TMEM271: variants seen among roughly 807,000 people sequenced by gnomAD.
TMEM271 encodes transmembrane protein 271.
In TMEM271 at chr4:575,141, G is replaced by A. The variant is rs1179421501; in HGVS notation, c.922C>T (p.Leu308=). 5.1e-6 allele frequency: 2 copies of A among 393,878 alleles called. No homozygotes were observed. The highest frequency in any genetic ancestry group is 4.1e-5 in the African/African-American group (2 of 48,216). 24.4% of individuals were successfully genotyped at this position (393,878 alleles called of 1,614,324 possible). The stretch of plus-strand genomic sequence containing the variant: ...CCCGCGCAGTCCCCGGGGGCGGCCA[G>A]GTCCGACTCCTCCGGGGACAGGATG... ...ASILSPEESD[L]AAPGDCAGFA... The change falls in exon 1 of 1, where the codon CTG becomes TTG. Residue 308 remains leucine, a synonymous_variant. Transcript: ENST00000610212.
In TMEM271 at chr4:574,386, T is replaced by C. The variant is rs550482846; in HGVS notation, c.*519A>G. ...TCACTATTTATGGAGAGCTTTACAG[T>C]AAGAAAGTATCAACAAAAGCAGGCA... On this transcript the variant is annotated 3_prime_UTR_variant, in exon 1 of 1. Transcript: ENST00000610212. 1 of 152,666 alleles carries C rather than the reference T, an allele frequency of 6.6e-6. No homozygotes were observed. Among genetic ancestry groups the C allele is most frequent in the South Asian group, 2.1e-4 (1 of 4,838 alleles). 9.5% of individuals were successfully genotyped at this position (152,666 alleles called of 1,614,324 possible).
Position 575,291 on chromosome 4 carries a change from C to A in TMEM271, c.772G>T (p.Gly258Cys). ...RRGRRGRRRG[G>C]RALARPRGGS... ...CCGCGGGGCCGCGCCAGGGCCCGGC[C>A]TCCCCTCCGCCTGCCGCGCCGACCG... The change falls in exon 1 of 1, where the codon GGC (glycine) becomes TGC (cysteine). Residue 258 changes from glycine (G) to cysteine (C), a missense_variant. By Grantham distance (159) the Gly-to-Cys change is radical. Transcript: ENST00000610212. The A allele has an allele frequency of 5.1e-6, 1 of 196,260 alleles. No individual in the cohort carries two copies. The highest frequency in any genetic ancestry group is 1.0e-5 in the Non-Finnish European group (1 of 97,748). 12.2% of individuals were successfully genotyped at this position (196,260 alleles called of 1,614,324 possible).
At position 574,590 on chromosome 4, in the gene TMEM271, A is replaced by T. The variant is rs1732396571; in HGVS notation, c.*315T>A. On this transcript the variant is annotated 3_prime_UTR_variant, in exon 1 of 1. Transcript: ENST00000610212. Reference sequence around the variant, plus strand: ...CCCCAGGGTTTGGACTTGCCAAGAAAAGTGCAGTCGGGCTAGCCAAGCCCA... The same window carrying T: ...CCCCAGGGTTTGGACTTGCCAAGAATAGTGCAGTCGGGCTAGCCAAGCCCA... 1 of 244,230 alleles carries T rather than the reference A, an allele frequency of 4.1e-6. No individual in the cohort carries two copies. The highest frequency in any genetic ancestry group is 2.2e-5 in the African/African-American group (1 of 44,772). 15.1% of individuals were successfully genotyped at this position (244,230 alleles called of 1,614,324 possible). A position where few individuals can be genotyped will look rare whatever the true frequency, so the allele number is the denominator to read the frequency against.
In TMEM271 at chr4:574,959, G is replaced by A. The variant is rs564504819; in HGVS notation, c.1104C>T (p.Cys368=). 1.6e-4 allele frequency: 64 copies of A among 397,082 alleles called. No individual in the cohort carries two copies. Among genetic ancestry groups the A allele is most frequent in the African/African-American group, 1.3e-3 (61 of 48,664 alleles). 24.6% of individuals were successfully genotyped at this position (397,082 alleles called of 1,614,324 possible). The change falls in exon 1 of 1, where the codon TGC becomes TGT. Residue 368 remains cysteine (C), a synonymous_variant. Coordinates refer to ENST00000610212, the MANE Select transcript of TMEM271 (RefSeq NM_001362796.2). ...DPDLNASYPY[C]CRPPCETPRP... is the part of the protein sequence containing the mutation. ...GCGGCGTCTCGCAGGGCGGCCGGCA[G>A]CAGTAGGGGTAGGAGGCGTTGAGGT... is the stretch of plus-strand genomic sequence containing the variant.
chr4:575,875 G>A lies in TMEM271; in HGVS notation c.188C>T (p.Ser63Leu). ...GCAGAGCAGGGCGGCGCCGAGCAGT[G>A]AGAGGCCGGCGGCCAGCAGCAGCCC... ...YSGLLLAAGL[S>L]LLGAALLCCG... Residue 63 changes from serine (S) to leucine (L), a missense_variant, in exon 1 of 1, where the codon TCA becomes TTA. Physicochemically the swap from Ser to Leu is moderately radical, Grantham distance 145 (BLOSUM62 -2). Transcript: ENST00000610212. The A allele has an allele frequency of 5.4e-6, 2 of 371,234 alleles. No homozygotes were observed. Among genetic ancestry groups the A allele is most frequent in the Non-Finnish European group, 9.6e-6 (2 of 208,540 alleles). The allele number at this position is 371,234 out of a possible 1,614,324, so 23.0% of individuals were successfully genotyped here.
chr4:575,136 G>T lies in TMEM271; in HGVS notation c.927C>A (p.Ala309=). 1 of 394,212 alleles carries T rather than the reference G, an allele frequency of 2.5e-6. No individual in the cohort carries two copies. 24.4% of individuals were successfully genotyped at this position (394,212 alleles called of 1,614,324 possible). Residue 309 remains alanine (A), a synonymous_variant, in exon 1 of 1, where the codon GCC becomes GCA. Transcript: ENST00000610212. The stretch of plus-strand genomic sequence containing the variant: ...CGAAGCCCGCGCAGTCCCCGGGGGC[G>T]GCCAGGTCCGACTCCTCCGGGGACA... The part of the protein sequence containing the change: ...SILSPEESDL[A]APGDCAGFAA...
Position 574,751 on chromosome 4 carries a change from G to A in TMEM271, c.*154C>T, listed in dbSNP as rs1188767825. The A allele has an allele frequency of 2.6e-6, 1 of 391,978 alleles. No individual in the cohort carries two copies. Among genetic ancestry groups the A allele is most frequent in the Non-Finnish European group, 4.5e-6 (1 of 222,164 alleles). 24.3% of individuals were successfully genotyped at this position (391,978 alleles called of 1,614,324 possible). A position where few individuals can be genotyped will look rare whatever the true frequency, so the allele number is the denominator to read the frequency against. Reference sequence around the variant, plus strand: ...GGAGCCCGCAGAGGGGGCCAGGCCGGAGGCTGCAAAGCCACGTGGAAGAGG... The same window carrying A: ...GGAGCCCGCAGAGGGGGCCAGGCCGAAGGCTGCAAAGCCACGTGGAAGAGG... On this transcript the variant is annotated 3_prime_UTR_variant, in exon 1 of 1. Coordinates refer to ENST00000610212, the MANE Select transcript of TMEM271 (RefSeq NM_001362796.2).
In TMEM271 at chr4:574,800, G is replaced by C; in HGVS notation, c.*105C>G. On this transcript the variant is annotated 3_prime_UTR_variant, in exon 1 of 1. Coordinates refer to ENST00000610212, the MANE Select transcript of TMEM271 (RefSeq NM_001362796.2). ...GGCGGCGCCCCTGAGGCCTGGCCCT[G>C]GACCCCGCCCCGCTGCCCGTCCTCC... The C allele has an allele frequency of 2.5e-6, 1 of 392,726 alleles. No individual in the cohort carries two copies. Among genetic ancestry groups the C allele is most frequent in the East Asian group, 3.6e-5 (1 of 27,678 alleles). The allele number at this position is 392,726 out of a possible 1,614,324, so 24.3% of individuals were successfully genotyped here.
Position 575,128 on chromosome 4 carries a change from C to G in TMEM271, c.935G>C (p.Gly312Ala). 2.5e-6 allele frequency: 1 copy of G among 394,932 alleles called. No individual in the cohort carries two copies. The highest frequency in any genetic ancestry group is 3.6e-5 in the East Asian group (1 of 27,844). 24.5% of individuals were successfully genotyped at this position (394,932 alleles called of 1,614,324 possible). ...GTGCGCCGCGAAGCCCGCGCAGTCC[C>G]CGGGGGCGGCCAGGTCCGACTCCTC... ...SPEESDLAAPGDCAGFAAHHA... is the reference protein window; with the variant it reads ...SPEESDLAAPADCAGFAAHHA... Residue 312 changes from glycine (G) to alanine (A), a missense_variant, in exon 1 of 1, where the codon GGG (glycine) becomes GCG (alanine). Physicochemically the swap from Gly to Ala is moderately conservative, Grantham distance 60. Transcript: ENST00000610212.
rs1732386197 is a variant in TMEM271, at chr4:574,007, A to C, written c.*898T>G. 6.6e-6 allele frequency: 1 copy of C among 152,220 alleles called. No homozygotes were observed. The highest frequency in any genetic ancestry group is 2.4e-5 in the African/African-American group (1 of 41,452). 9.4% of individuals were successfully genotyped at this position (152,220 alleles called of 1,614,324 possible). ...ATGACTGATTTTCCGAAATAGGATT[A>C]AATTGTTCATATGTATTAATCAAAA... On this transcript the variant is annotated 3_prime_UTR_variant, in exon 1 of 1. Transcript: ENST00000610212.
Position 575,477 on chromosome 4 carries a change from C to G in TMEM271, c.586G>C (p.Ala196Pro). 3.7e-6 allele frequency: 1 copy of G among 269,270 alleles called. No homozygotes were observed. The highest frequency in any genetic ancestry group is 7.0e-6 in the Non-Finnish European group (1 of 143,458). 16.7% of individuals were successfully genotyped at this position (269,270 alleles called of 1,614,324 possible). A position where few individuals can be genotyped will look rare whatever the true frequency, so the allele number is the denominator to read the frequency against. ...GTGGCGCTGTCCAGGGTGCTGCGAG[C>G]GCGCGGGGCGCCGGGGGCCGAGCCC... The part of the protein sequence containing the change: ...APGSAPGAPR[A>P]RSTLDSATSA... Residue 196 changes from alanine (A) to proline (P), a missense_variant, in exon 1 of 1, where the codon GCT becomes CCT. Transcript: ENST00000610212.
rs1396633830 is a variant in TMEM271 at position 574,802 on chromosome 4, A to C, written c.*103T>G. On this transcript the variant is annotated 3_prime_UTR_variant, in exon 1 of 1. Coordinates refer to ENST00000610212, the MANE Select transcript of TMEM271 (RefSeq NM_001362796.2). ...CGGCGCCCCTGAGGCCTGGCCCTGG[A>C]CCCCGCCCCGCTGCCCGTCCTCCCT... 1 of 392,476 alleles carries C rather than the reference A, an allele frequency of 2.5e-6. No homozygotes were observed. Among genetic ancestry groups the C allele is most frequent in the Non-Finnish European group, 4.5e-6 (1 of 222,534 alleles). 24.3% of individuals were successfully genotyped at this position (392,476 alleles called of 1,614,324 possible). A position where few individuals can be genotyped will look rare whatever the true frequency, so the allele number is the denominator to read the frequency against.
rs2109093846 is a variant in TMEM271, at chr4:574,276, T to G, written c.*629A>C. On this transcript the variant is annotated 3_prime_UTR_variant, in exon 1 of 1. Transcript: ENST00000610212. ...TGCGTAGACATCCTCTAATTCCAATTTGATGAATATTCTCCAATAACATAG... is the reference window on the plus strand; with the variant it reads ...TGCGTAGACATCCTCTAATTCCAATGTGATGAATATTCTCCAATAACATAG... The G allele has an allele frequency of 6.6e-6, 1 of 152,328 alleles. No homozygotes were observed. The highest frequency in any genetic ancestry group is 1.5e-5 in the Non-Finnish European group (1 of 68,020). The allele number at this position is 152,328 out of a possible 1,614,324, so 9.4% of individuals were successfully genotyped here.
rs1732433014 is a variant in TMEM271, at chr4:576,147, C to T, written c.-85G>A. The T allele has an allele frequency of 1.4e-5, 2 of 143,296 alleles. No homozygotes were observed. The highest frequency in any genetic ancestry group is 3.1e-5 in the Non-Finnish European group (2 of 64,336). 8.9% of individuals were successfully genotyped at this position (143,296 alleles called of 1,614,324 possible). A position where few individuals can be genotyped will look rare whatever the true frequency, so the allele number is the denominator to read the frequency against. ...CCGCCTGCGCCTCCTCCCGGCGCCG[C>T]GCGGCCGGACCGCCGGCCTCCTCCT... On this transcript the variant is annotated 5_prime_UTR_variant, in exon 1 of 1. Coordinates refer to ENST00000610212, the MANE Select transcript of TMEM271 (RefSeq NM_001362796.2).
At position 574,881 on chromosome 4, in the gene TMEM271, G is replaced by T. The variant is rs1056286899; in HGVS notation, c.*24C>A. On this transcript the variant is annotated 3_prime_UTR_variant, in exon 1 of 1. Transcript: ENST00000610212. Reference sequence around the variant, plus strand: ...TGGGTGGAACGCAAGCGCGGTCCGCGGGATGGGGGTCCGGCCCGCGGGATC... The same window carrying T: ...TGGGTGGAACGCAAGCGCGGTCCGCTGGATGGGGGTCCGGCCCGCGGGATC... The T allele has an allele frequency of 7.1e-5, 28 of 395,808 alleles. No individual in the cohort carries two copies. Among genetic ancestry groups the T allele is most frequent in the Non-Finnish European group, 1.2e-4 (27 of 224,246 alleles). 24.5% of individuals were successfully genotyped at this position (395,808 alleles called of 1,614,324 possible). A position where few individuals can be genotyped will look rare whatever the true frequency, so the allele number is the denominator to read the frequency against.
In TMEM271 at chr4:575,385, C is replaced by A. The variant is rs1406050901; in HGVS notation, c.678G>T (p.Ser226=). ...RGLVLSTVFN[S]LECLLGLLSL... The stretch of plus-strand genomic sequence containing the variant: ...TGAGCAGGCCCAGCAGGCACTCAAG[C>A]GAGTTGAAGACGGTGGAGAGCACCA... The change falls in exon 1 of 1, where the codon TCG becomes TCT. Residue 226 remains serine (S), a synonymous_variant. Coordinates refer to ENST00000610212, the MANE Select transcript of TMEM271 (RefSeq NM_001362796.2). 4 of 279,480 alleles carry A rather than the reference C, an allele frequency of 1.4e-5. No individual in the cohort carries two copies. Among genetic ancestry groups the A allele is most frequent in the Non-Finnish European group, 2.7e-5 (4 of 149,238 alleles). 17.3% of individuals were successfully genotyped at this position (279,480 alleles called of 1,614,324 possible).
In TMEM271 at chr4:575,947, C is replaced by A; in HGVS notation, c.116G>T (p.Arg39Leu). 1 of 373,674 alleles carries A rather than the reference C, an allele frequency of 2.7e-6. No individual in the cohort carries two copies. The highest frequency in any genetic ancestry group is 3.8e-5 in the East Asian group (1 of 26,404). The allele number at this position is 373,674 out of a possible 1,614,324, so 23.1% of individuals were successfully genotyped here. The change falls in exon 1 of 1, where the codon CGC (arginine) becomes CTC (leucine). Residue 39 changes from arginine to leucine, a missense_variant. By Grantham distance (102) the Arg-to-Leu change is moderately radical. Coordinates refer to ENST00000610212, the MANE Select transcript of TMEM271 (RefSeq NM_001362796.2). ...GGCCCCCAGGCGGAACGGCTCCCCGCGCAGCTCCGAGCCCAACGAGAAGCA... is the reference window on the plus strand; with the variant it reads ...GGCCCCCAGGCGGAACGGCTCCCCGAGCAGCTCCGAGCCCAACGAGAAGCA... ...LKCFSLGSEL[R>L]GEPFRLGAAA...
At position 575,814 on chromosome 4, in the gene TMEM271, T is replaced by C; in HGVS notation, c.249A>G (p.Glu83=). 2.8e-6 allele frequency: 1 copy of C among 359,944 alleles called. No homozygotes were observed. Among genetic ancestry groups the C allele is most frequent in the Non-Finnish European group, 4.9e-6 (1 of 202,130 alleles). The allele number at this position is 359,944 out of a possible 1,614,324, so 22.3% of individuals were successfully genotyped here. ...CGGGGACCCCCAAACCCGGGCCCGG[T>C]TCCGACCCCGCGAGGGGCGCGTCCC... is the stretch of plus-strand genomic sequence containing the variant. ...GPRDAPLAGS[E]PGPGLGVPAA... is the part of the protein sequence containing the mutation. The change falls in exon 1 of 1, where the codon GAA becomes GAG. Residue 83 remains glutamate, a synonymous_variant. Coordinates refer to ENST00000610212, the MANE Select transcript of TMEM271 (RefSeq NM_001362796.2).
In TMEM271 at chr4:575,761, G is replaced by A. The variant is rs941550936; in HGVS notation, c.302C>T (p.Thr101Met). Residue 101 changes from threonine (T) to methionine (M), a missense_variant, in exon 1 of 1, where the codon ACG becomes ATG. Physicochemically the swap from Thr to Met is moderately conservative, Grantham distance 81. Transcript: ENST00000610212. ...GGCCGCGGCCCCCGACTCGCCCGGC[G>A]TGGCCTCGGGAGCGCCTGCCGGCGC... is the stretch of plus-strand genomic sequence containing the variant. ...PAAPAGAPEA[T>M]PGESGAAAGA... 6.1e-5 allele frequency: 22 copies of A among 359,294 alleles called. No individual in the cohort carries two copies. The highest frequency in any genetic ancestry group is 9.5e-5 in the Non-Finnish European group (19 of 200,912). 22.3% of individuals were successfully genotyped at this position (359,294 alleles called of 1,614,324 possible).
Sources: allele counts gnomAD v4.1 joint callset, GRCh38; gene constraint gnomAD v4.1.1; transcripts MANE v1.5; gene names NCBI Gene and HGNC (gene_info 2026-07-23, HGNC 2026-07-21).